The following SLF1 variants were observed in gnomAD, a reference collection of about 807,000 sequenced individuals.
SLF1 encodes the protein SMC5-SMC6 complex localization factor protein 1.
Under a neutral mutation model 123.0 loss-of-function variants are expected in SLF1, and 105 were observed. The observed-to-expected ratio is 0.85, with a 90% CI of 0.73 to 1.00. SLF1 has a LOEUF of 1.00. SLF1 is among the 50% of genes least tolerant of loss of function. The probability of loss-of-function intolerance (pLI) is 0.00; values close to 1 mark genes in which losing one functional copy is unlikely to be tolerated. For synonymous variants in SLF1, 434 were observed against 406.6 expected, an observed-to-expected ratio of 1.07 and a Z score of -0.81; for missense variants, 1,239 against 1,223.0, an observed-to-expected ratio of 1.01 and a Z score of -0.20.
chr5:94,674,648 T>G (rs571974846), intron 14 of SLF1, among the ~76,000 whole-genome samples: 12 of 152,330 alleles, frequency 7.9e-5, no homozygotes, highest in African/African-American at 2.6e-4. Context: ...TTTAAGTCAT[T>G]AGCTAAACAG....
In SLF1 at chr5:94,689,659, C is replaced by T. The variant is rs1585241869; in HGVS notation, c.2419+53C>T. The T allele has an allele frequency of 5.3e-6, 8 of 1,508,076 alleles. No homozygotes were observed. In the East Asian group the frequency reaches 9.1e-5, roughly 17 times the overall value. The allele number at this position is 1,508,076 out of a possible 1,614,324, so 93.4% of individuals were successfully genotyped here. A position where few individuals can be genotyped will look rare whatever the true frequency, so the allele number is the denominator to read the frequency against. On this transcript the variant is annotated intron_variant, in intron 18 of 20. Transcript: ENST00000265140. ...GCTAAGAACTTTTCATGGTTATAGT[C>T]AGTACTTGCAGGTTTCACACATTTG...
At chr5:94,633,064 C>G (rs1254359683) in intron 4 of SLF1, among the ~76,000 whole-genome samples, 2 of 152,028 alleles carry the variant, frequency 1.3e-5, no homozygotes, top group African/African-American at 4.8e-5. Context: ...GATCTTGGCT[C>G]ACCGCAACCT....
At chr5:94,641,145 GTTGAGCTA>G (rs1247341304) in intron 4 of SLF1, among the ~76,000 whole-genome samples, 2 of 152,144 alleles carry the variant, frequency 1.3e-5, no homozygotes, top group Non-Finnish European at 2.9e-5. Context: ...CTTGTCAGTT[GTTGAGCTA>G]GTGCTATGGT....
At chr5:94,622,799 A>C (rs935002750) in intron 1 of SLF1, among the ~76,000 whole-genome samples, 5 of 152,082 alleles carry the variant, frequency 3.3e-5, no homozygotes, top group Admixed American at 1.3e-4. Context: ...ATTTATTTCT[A>C]AGATTACTTC....
chr5:94,618,511 C>T (rs1009461895), upstream of SLF1: 4 of 153,102 alleles, frequency 2.6e-5, no homozygotes, highest in African/African-American at 7.2e-5. Context: ...AGTCTTCCAC[C>T]TCCGGTGCTG....
At position 94,686,678 on chromosome 5, in the gene SLF1, C is replaced by T; in HGVS notation, c.2081C>T (p.Ser694Phe). Residue 694 changes from serine to phenylalanine, a missense_variant, in exon 16 of 21, where the codon TCT (serine) becomes TTT (phenylalanine). Ser to Phe is a radical substitution (Grantham distance 155, BLOSUM62 -2). Coordinates refer to ENST00000265140, the MANE Select transcript of SLF1 (RefSeq NM_032290.4). ...TTTAAAAAGTTGTGTCTACAGAGCT[C>T]TGGCAGTGTTTCTTCTGAGCCACTC... Reference protein sequence around the residue: ...AVFKKLCLQSSGSVSSEPLSL... With the variant: ...AVFKKLCLQSFGSVSSEPLSL... 1 of 1,614,122 alleles carries T rather than the reference C, an allele frequency of 6.2e-7. No individual in the cohort carries two copies. Among genetic ancestry groups the T allele is most frequent in the Non-Finnish European group, 8.5e-7 (1 of 1,179,982 alleles).
At chr5:94,652,255 C>T (rs1179772305) in intron 7 of SLF1, among the ~76,000 whole-genome samples, 1 of 152,136 alleles carries the variant, frequency 6.6e-6, no homozygotes, top group East Asian at 1.9e-4. Flanking sequence ...GTAATCTGCC[C>T]ACCTCCGCCT....
At chr5:94,681,406 C>T (rs1019796251) in intron 15 of SLF1, among the ~76,000 whole-genome samples, 3 of 152,208 alleles carry the variant, frequency 2.0e-5, no homozygotes, top group Non-Finnish European at 2.9e-5. Flanking sequence ...GCTGGGATTA[C>T]AGGTGTGAAC....
intron 14 of SLF1, 41 bp from the exon 15 acceptor site, chr5:94,678,767 T>G: frequency 6.6e-7 from 1 of 1,506,508 alleles, no homozygotes; most frequent in Non-Finnish European, 9.1e-7. Context: ...AAATTCAATA[T>G]TGTAATATAT....
chr5:94,646,008 T>C (rs1442850910), intron 5 of SLF1, among the ~76,000 whole-genome samples: 2 of 152,130 alleles, frequency 1.3e-5, no homozygotes, highest in East Asian at 3.9e-4. Context: ...CCAAGCACTT[T>C]GGGAAGCTGA....
chr5:94,669,028 A>G (rs769218189), intron 12 of SLF1, among the ~76,000 whole-genome samples: 1 of 152,228 alleles, frequency 6.6e-6, no homozygotes, highest in Non-Finnish European at 1.5e-5. Flanking sequence ...TGTAGGTGAT[A>G]GATTTTGGGC....
At chr5:94,660,269 T>C (rs186191159) in intron 9 of SLF1, among the ~76,000 whole-genome samples, 1 of 152,298 alleles carries the variant, frequency 6.6e-6, no homozygotes, top group East Asian at 1.9e-4. Context: ...AATCTGTTCC[T>C]AGGCCCCTGA....
chr5:94,625,583 A>T (rs973628915), intron 1 of SLF1, among the ~76,000 whole-genome samples: 2 of 151,878 alleles, frequency 1.3e-5, no homozygotes, highest in African/African-American at 4.8e-5. Flanking sequence ...GGGTTTCACC[A>T]TGTTGGCCAG....
chr5:94,626,169 C>G (rs991668139), intron 1 of SLF1, among the ~76,000 whole-genome samples: 1 of 150,346 alleles, frequency 6.7e-6, no homozygotes, highest in South Asian at 2.1e-4. Context: ...CGGAGAATGG[C>G]GTGAACCCAG....
intron 9 of SLF1, among the ~76,000 whole-genome samples, chr5:94,657,202 G>C (rs1250202536): frequency 2.6e-5 from 4 of 151,608 alleles, no homozygotes. Flanking sequence ...GTGCCTTTTA[G>C]CACTGCTTTT....
Position 94,691,638 on chromosome 5 carries a change from A to G in SLF1, c.2494A>G (p.Ile832Val), listed in dbSNP as rs774546491. Residue 832 changes from isoleucine (I) to valine (V), a missense_variant, in exon 19 of 21, where the codon ATA (isoleucine) becomes GTA (valine). By Grantham distance (29) the Ile-to-Val change is conservative. Transcript: ENST00000265140. ...KLILLLSLPGIDINVKDNAGW... is the reference protein window; with the variant it reads ...KLILLLSLPGVDINVKDNAGW... ...GATTCTTCTTCTCTCTTTGCCAGGA[A>G]TAGACATCAATGTTAAAGGTAAGTT... The G allele has an allele frequency of 2.5e-6, 4 of 1,610,358 alleles. No homozygotes were observed. The highest frequency in any genetic ancestry group is 1.1e-5 in the South Asian group (1 of 90,420).
At chr5:94,666,480 T>C (rs1422500368) in intron 12 of SLF1, among the ~76,000 whole-genome samples, 3 of 152,236 alleles carry the variant, frequency 2.0e-5, no homozygotes, top group Admixed American at 1.3e-4. Context: ...GTCATCTCTT[T>C]TATGCTTCTG....
intron 19 of SLF1, 49 bp from the exon 20 acceptor site, chr5:94,692,025 A>C: frequency 6.3e-7 from 1 of 1,582,762 alleles, no homozygotes. Context: ...CTTTTCTACC[A>C]AAAGTCCTAC....
intron 12 of SLF1, among the ~76,000 whole-genome samples, chr5:94,666,476 T>C (rs1418904391): frequency 6.6e-6 from 1 of 152,234 alleles, no homozygotes; most frequent in African/African-American, 2.4e-5. Context: ...ATATGTCATC[T>C]CTTTTATGCT....
Sources: gnomAD v4.1 joint callset for allele counts (sites outside exome capture counted in the v4.1 genomes callset) on GRCh38, gnomAD v4.1.1 for gene constraint, MANE v1.5 for transcripts, NCBI Gene and HGNC (gene_info 2026-07-23, HGNC 2026-07-21) for gene names.